The following RHOT1 variants were observed in gnomAD, a reference collection of about 807,000 sequenced individuals.
RHOT1 encodes mitochondrial Rho GTPase 1.
In RHOT1, 27 loss-of-function variants were observed where a neutral mutation model predicts 95.3. The observed-to-expected ratio is 0.28, with a 90% CI of 0.21 to 0.39. The LOEUF (loss-of-function observed/expected upper bound fraction) is 0.39. Ranked by LOEUF, RHOT1 falls within the 10% of genes least tolerant of loss-of-function variation. The probability of loss-of-function intolerance (pLI) is 1.00; values close to 1 mark genes in which losing one functional copy is unlikely to be tolerated. For synonymous variants in RHOT1, 227 were observed against 263.5 expected, an observed-to-expected ratio of 0.86 and a Z score of 1.34; for missense variants, 578 against 786.7, an observed-to-expected ratio of 0.73 and a Z score of 3.17.
At chr17:32,161,203 G>C (rs1426988033) in intron 1 of RHOT1, among the ~76,000 whole-genome samples, 1 of 152,176 alleles carries the variant, frequency 6.6e-6, no homozygotes, top group South Asian at 2.1e-4. Flanking sequence ...TTGGTGGGTG[G>C]GGGCTAGAGA....
intron 16 of RHOT1, among the ~76,000 whole-genome samples, chr17:32,205,158 C>T (rs985932958): frequency 4.0e-5 from 6 of 151,830 alleles, no homozygotes; most frequent in Non-Finnish European, 5.9e-5. Flanking sequence ...CTAATGCTCT[C>T]CCTCCCCTTG....
At chr17:32,160,924 G>A (rs1460360130) in intron 1 of RHOT1, among the ~76,000 whole-genome samples, 5 of 152,156 alleles carry the variant, frequency 3.3e-5, no homozygotes, top group African/African-American at 1.2e-4. Context: ...CTTGGACAGA[G>A]GCACCACTGG....
At chr17:32,181,580 A>G (rs2035636369) in intron 6 of RHOT1, among the ~76,000 whole-genome samples, 1 of 152,230 alleles carries the variant, frequency 6.6e-6, no homozygotes, top group Non-Finnish European at 1.5e-5. Context: ...AAAAAATGTA[A>G]CATATACTGA....
chr17:32,209,201 A>C, intron 18 of RHOT1: 1 of 412,408 alleles, frequency 2.4e-6, no homozygotes, highest in Non-Finnish European at 4.3e-6. Flanking sequence ...CTTTACTGCT[A>C]TTTTATTACC....
intron 1 of RHOT1, chr17:32,143,189 G>A (rs1190714776): frequency 8.6e-6 from 4 of 462,802 alleles, no homozygotes; most frequent in Non-Finnish European, 1.8e-5. Context: ...TAGGGATTGC[G>A]TGAACCGGCT....
At chr17:32,149,504 T>C (rs1339177582) in intron 1 of RHOT1, among the ~76,000 whole-genome samples, 5 of 88,878 alleles carry the variant, frequency 5.6e-5, no homozygotes, top group Non-Finnish European at 1.0e-4. Context: ...TTCATTATCT[T>C]TAGCATAGTC....
chr17:32,159,012 C>T (rs1298303779), intron 1 of RHOT1, among the ~76,000 whole-genome samples: 1 of 152,136 alleles, frequency 6.6e-6, no homozygotes, highest in Non-Finnish European at 1.5e-5. Context: ...CAGCTGAGTG[C>T]ATCACTCCTA....
chr17:32,168,077 G>A lies in RHOT1; in HGVS notation c.38-2966G>A, dbSNP rs145232032. Among the ~76,000 whole-genome samples, 1,000 of 151,312 alleles carry A rather than the reference G, an allele frequency of 6.6e-3. 19 individuals carry two copies. Among genetic ancestry groups the A allele is most frequent in the African/African-American group, 0.023 (940 of 41,230 alleles). On this transcript the variant is annotated intron_variant, in intron 1 of 19. Transcript: ENST00000545287. ...ACATTTGTTTACAGAATGGCTTATTGAATATTTTAAGGCTACTGTTGAGAC... is the reference window on the plus strand; with the variant it reads ...ACATTTGTTTACAGAATGGCTTATTAAATATTTTAAGGCTACTGTTGAGAC...
chr17:32,146,629 T>C (rs1053951151), intron 1 of RHOT1, among the ~76,000 whole-genome samples: 1 of 148,264 alleles, frequency 6.7e-6, no homozygotes, highest in South Asian at 2.1e-4. Context: ...TTTTTTTTTT[T>C]TTGTATTTTT....
intron 1 of RHOT1, chr17:32,151,048 G>T: frequency 1.4e-6 from 2 of 1,406,426 alleles, no homozygotes; most frequent in Non-Finnish European, 9.9e-7. Flanking sequence ...ATTGTGGTCT[G>T]TTCTTGGAGA....
chr17:32,217,034 A>AT (rs2038519394), intron 19 of RHOT1, among the ~76,000 whole-genome samples: 1 of 152,120 alleles, frequency 6.6e-6, no homozygotes, highest in Non-Finnish European at 1.5e-5. Flanking sequence ...TAATTTTTAA[A>AT]TTTTTTGTCA....
At chr17:32,198,593 C>G (rs1438212563) in intron 11 of RHOT1, among the ~76,000 whole-genome samples, 2 of 152,052 alleles carry the variant, frequency 1.3e-5, no homozygotes, top group African/African-American at 4.8e-5. Context: ...CCTGTGGTCC[C>G]AGCTACTCAA....
intron 1 of RHOT1, among the ~76,000 whole-genome samples, chr17:32,164,604 A>C (rs1346124748): frequency 6.6e-6 from 1 of 151,852 alleles, no homozygotes; most frequent in South Asian, 2.1e-4. Context: ...GGTGGCTTAC[A>C]CCTGTAGTCC....
intron 19 of RHOT1, among the ~76,000 whole-genome samples, chr17:32,222,540 G>C: frequency 6.6e-6 from 1 of 152,032 alleles, no homozygotes; most frequent in Non-Finnish European, 1.5e-5. Flanking sequence ...GTGGGTGTGT[G>C]TGTGTGTTTG....
At chr17:32,157,225 G>A (rs977568047) in intron 1 of RHOT1, among the ~76,000 whole-genome samples, 5 of 152,052 alleles carry the variant, frequency 3.3e-5, no homozygotes, top group Non-Finnish European at 7.4e-5. Flanking sequence ...GTAATCATCC[G>A]CATTCCTGAG....
intron 1 of RHOT1, among the ~76,000 whole-genome samples, chr17:32,154,893 A>G (rs1239027016): frequency 7.2e-6 from 1 of 138,836 alleles, no homozygotes. Context: ...GGATCCATCT[A>G]AAAAAAAAAA....
At chr17:32,169,027 G>A (rs2034347730) in intron 1 of RHOT1, among the ~76,000 whole-genome samples, 1 of 152,224 alleles carries the variant, frequency 6.6e-6, no homozygotes, top group East Asian at 1.9e-4. Flanking sequence ...AATTGAAAAG[G>A]CCTGTAGAAA....
At chr17:32,210,232 C>T (rs1371032010) in intron 18 of RHOT1, among the ~76,000 whole-genome samples, 1 of 152,124 alleles carries the variant, frequency 6.6e-6, no homozygotes, top group Non-Finnish European at 1.5e-5. Flanking sequence ...AGTACCTCTT[C>T]ATGGGTGGTG....
chr17:32,221,816 G>A (rs978720042), intron 19 of RHOT1, among the ~76,000 whole-genome samples: 7 of 152,146 alleles, frequency 4.6e-5, no homozygotes, highest in Admixed American at 1.3e-4. Flanking sequence ...TATTTCATGT[G>A]TCTTAAAACA....
Sources: gnomAD v4.1 joint callset for allele counts (sites outside exome capture counted in the v4.1 genomes callset) on GRCh38, gnomAD v4.1.1 for gene constraint, MANE v1.5 for transcripts, NCBI Gene and HGNC (gene_info 2026-07-23, HGNC 2026-07-21) for gene names.